The following HEMK2 variants were observed in gnomAD, a reference collection of about 807,000 sequenced individuals.
The protein encoded by HEMK2 is HemK methyltransferase 2, ETF1 glutamine and histone H4 lysine.
chr21:28,790,835 G>A, the HEMK2 span, among the ~76,000 whole-genome samples: 108 of 118,472 alleles, frequency 9.1e-4, no homozygotes, highest in African/African-American at 3.2e-3. Context: ...ACTGTTGTGG[G>A]GTGGGGGGAG....
At chr21:28,792,167 C>A in the HEMK2 span, among the ~76,000 whole-genome samples, 2 of 152,118 alleles carry the variant, frequency 1.3e-5, no homozygotes, top group African/African-American at 2.4e-5. Context: ...AATGCCCGCC[C>A]CTTTCCTGGA....
At chr21:28,659,748 AG>A in the HEMK2 span, among the ~76,000 whole-genome samples, 34 of 152,238 alleles carry the variant, frequency 2.2e-4, no homozygotes, top group South Asian at 4.8e-3. Flanking sequence ...ATATCAGATA[AG>A]GTAAGTCCTC....
chr21:28,579,711 T>A, the HEMK2 span, among the ~76,000 whole-genome samples: 4 of 152,226 alleles, frequency 2.6e-5, no homozygotes, highest in Non-Finnish European at 5.9e-5. Flanking sequence ...TTCAAAATTG[T>A]GCATATTTGT....
At chr21:28,683,470 G>A in the HEMK2 span, among the ~76,000 whole-genome samples, 11 of 152,102 alleles carry the variant, frequency 7.2e-5, no homozygotes, top group Admixed American at 1.3e-4. Context: ...TCACTGCCGC[G>A]TCATCACTGT....
chr21:28,725,013 G>A, the HEMK2 span, among the ~76,000 whole-genome samples: 1 of 152,042 alleles, frequency 6.6e-6, no homozygotes, highest in African/African-American at 2.4e-5. Flanking sequence ...CAAACTCTTG[G>A]CCTCAAGCAA....
chr21:28,810,428 C>G, the HEMK2 span, among the ~76,000 whole-genome samples: 287 of 152,252 alleles, frequency 1.9e-3, 4 homozygotes, highest in African/African-American at 6.7e-3. Flanking sequence ...CCGCTAGTAC[C>G]AGAGGGGCTG....
the HEMK2 span, among the ~76,000 whole-genome samples, chr21:28,878,912 A>G: frequency 6.7e-6 from 1 of 148,214 alleles, no homozygotes; most frequent in Admixed American, 6.8e-5. Context: ...TAAGGAATGC[A>G]TTTATTTATT....
chr21:28,589,989 A>G, the HEMK2 span, among the ~76,000 whole-genome samples: 1 of 152,142 alleles, frequency 6.6e-6, no homozygotes, highest in African/African-American at 2.4e-5. Context: ...TTTCCCACAC[A>G]TTTCCAGATT....
At chr21:28,788,295 CACACACACAT>C in the HEMK2 span, among the ~76,000 whole-genome samples, 8 of 126,492 alleles carry the variant, frequency 6.3e-5, no homozygotes, top group East Asian at 2.4e-4. Context: ...CACACACACA[CACACACACAT>C]ATATATGTGT....
At chr21:28,663,675 T>C in the HEMK2 span, among the ~76,000 whole-genome samples, 1 of 152,220 alleles carries the variant, frequency 6.6e-6, no homozygotes, top group African/African-American at 2.4e-5. Context: ...CTGTTGTTTC[T>C]CTCTGTCTTT....
At chr21:28,856,621 G>A in the HEMK2 span, among the ~76,000 whole-genome samples, 1 of 152,144 alleles carries the variant, frequency 6.6e-6, no homozygotes, top group East Asian at 1.9e-4. Flanking sequence ...TGACTGACTA[G>A]GCAATTGGTG....
chr21:28,831,501 AAG>A, the HEMK2 span, among the ~76,000 whole-genome samples: 1 of 87,382 alleles, frequency 1.1e-5, no homozygotes, highest in African/African-American at 5.1e-5. Context: ...GAAAGAAAGA[AAG>A]AAAGAAAGAA....
chr21:28,729,633 C>A, the HEMK2 span, among the ~76,000 whole-genome samples: 742 of 118,012 alleles, frequency 6.3e-3, no homozygotes, highest in Middle Eastern at 0.014. Context: ...TGCTGATAAG[C>A]AAAAAAAAAA....
the HEMK2 span, among the ~76,000 whole-genome samples, chr21:28,666,840 C>T: frequency 1.3e-5 from 2 of 152,082 alleles, no homozygotes; most frequent in South Asian, 2.1e-4. Flanking sequence ...CTTGGACTTA[C>T]TATACAAAAG....
At chr21:28,846,518 T>C in the HEMK2 span, among the ~76,000 whole-genome samples, 1 of 152,220 alleles carries the variant, frequency 6.6e-6, no homozygotes, top group Non-Finnish European at 1.5e-5. Flanking sequence ...TGGTATCTTG[T>C]TGGGGTTTCA....
the HEMK2 span, among the ~76,000 whole-genome samples, chr21:28,833,488 C>T: frequency 6.6e-6 from 1 of 152,216 alleles, no homozygotes; most frequent in Non-Finnish European, 1.5e-5. Flanking sequence ...ACTCTAAGAA[C>T]ATGTCCAAGA....
the HEMK2 span, chr21:28,885,116 C>A: frequency 1.4e-6 from 2 of 1,425,200 alleles, no homozygotes; most frequent in Non-Finnish European, 1.9e-6. Context: ...CCTGCTCCGG[C>A]TCAGGGCGGT....
the HEMK2 span, among the ~76,000 whole-genome samples, chr21:28,863,343 C>T: frequency 1.4e-5 from 2 of 147,992 alleles, no homozygotes; most frequent in Non-Finnish European, 3.0e-5. Context: ...CTCCTTGCTC[C>T]TCAGCCTGCA....
chr21:28,841,031 T>G, the HEMK2 span, among the ~76,000 whole-genome samples: 1 of 103,524 alleles, frequency 9.7e-6, no homozygotes, highest in Non-Finnish European at 1.8e-5. Context: ...AAATAAATAT[T>G]ATATATTATA....
Sources: allele counts gnomAD v4.1 joint callset (sites outside exome capture counted in the v4.1 genomes callset), GRCh38; gene constraint gnomAD v4.1.1; transcripts MANE v1.5; gene names NCBI Gene and HGNC (gene_info 2026-07-23, HGNC 2026-07-21).